IMMP2L: variants seen among roughly 807,000 people sequenced by gnomAD.
IMMP2L encodes mitochondrial inner membrane protease subunit 2.
IMMP2L carries 18 observed loss-of-function variants against 19.3 expected under a neutral mutation model. That is an observed-to-expected ratio of 0.93 (90% CI 0.64 to 1.38). The LOEUF is 1.38. IMMP2L is among the 40% of genes most tolerant of loss of function. The pLI is 0.00. For synonymous variants in IMMP2L, 76 were observed against 73.0 expected, an observed-to-expected ratio of 1.04 and a Z score of -0.21; for missense variants, 233 against 218.2, an observed-to-expected ratio of 1.07 and a Z score of -0.43.
rs111874558 is a variant in IMMP2L, at chr7:110,781,068, A to T, written c.408+105525T>A. Among the ~76,000 whole-genome samples, 119 of 152,102 alleles carry T rather than the reference A, an allele frequency of 7.8e-4. 1 individual carries two copies. Among genetic ancestry groups the T allele is most frequent in the African/African-American group, 2.6e-3 (107 of 41,554 alleles). The stretch of plus-strand genomic sequence containing the variant: ...TTTGTTAACCTTGAAACATTTAAGG[A>T]TAATTATTGATCATGAGTTTATAAG... On this transcript the variant is annotated intron_variant, in intron 5 of 5. Coordinates refer to ENST00000405709, the MANE Select transcript of IMMP2L (RefSeq NM_032549.4).
intron 3 of IMMP2L, among the ~76,000 whole-genome samples, chr7:111,182,193 A>G (rs1361915167): frequency 6.6e-6 from 1 of 151,986 alleles, no homozygotes; most frequent in Non-Finnish European, 1.5e-5. Flanking sequence ...TCACTTTAAC[A>G]TCATCAGGAC....
At chr7:110,838,346 T>C (rs1370962550) in intron 5 of IMMP2L, among the ~76,000 whole-genome samples, 2 of 152,148 alleles carry the variant, frequency 1.3e-5, no homozygotes, top group Admixed American at 1.3e-4. Context: ...GTCCTTTGCG[T>C]TTCTTGTGAT....
intron 3 of IMMP2L, among the ~76,000 whole-genome samples, chr7:111,369,798 A>G (rs1433235467): frequency 6.6e-6 from 1 of 151,932 alleles, no homozygotes; most frequent in Non-Finnish European, 1.5e-5. Flanking sequence ...AGGCTTAGAT[A>G]TACTATTTGT....
At chr7:111,354,138 C>A (rs1828461109) in intron 3 of IMMP2L, among the ~76,000 whole-genome samples, 1 of 151,874 alleles carries the variant, frequency 6.6e-6, no homozygotes, top group Admixed American at 6.6e-5. Flanking sequence ...CAGGAAAAAA[C>A]TACAGAACCT....
intron 1 of IMMP2L, among the ~76,000 whole-genome samples, chr7:111,537,120 G>C (rs1847957150): frequency 6.6e-6 from 1 of 152,068 alleles, no homozygotes; most frequent in African/African-American, 2.4e-5. Flanking sequence ...AAAGAGTAAA[G>C]ACGTTTCTGT....
intron 1 of IMMP2L, among the ~76,000 whole-genome samples, chr7:111,556,168 G>T (rs1355475543): frequency 6.6e-6 from 1 of 151,240 alleles, no homozygotes; most frequent in East Asian, 1.9e-4. Flanking sequence ...GAGGGGGAAG[G>T]AAATTGAGAT....
At chr7:110,887,006 C>A (rs1471917786) in intron 4 of IMMP2L, among the ~76,000 whole-genome samples, 4 of 151,968 alleles carry the variant, frequency 2.6e-5, no homozygotes, top group Admixed American at 6.6e-5. Context: ...ATCCGGTAAG[C>A]CCTAACAAAA....
At chr7:111,471,820 T>C (rs1414658233) in intron 3 of IMMP2L, among the ~76,000 whole-genome samples, 1 of 152,072 alleles carries the variant, frequency 6.6e-6, no homozygotes, top group Non-Finnish European at 1.5e-5. Context: ...CCAGCCTATA[T>C]ATATATCATA....
chr7:111,374,710 C>T (rs944079193), intron 3 of IMMP2L, among the ~76,000 whole-genome samples: 5 of 152,078 alleles, frequency 3.3e-5, no homozygotes. Flanking sequence ...CTAATAGGGC[C>T]TGACCACATA....
chr7:111,144,107 C>T (rs1435816367), intron 3 of IMMP2L, among the ~76,000 whole-genome samples: 3 of 152,116 alleles, frequency 2.0e-5, no homozygotes, highest in South Asian at 2.1e-4. Flanking sequence ...AAACCTACTA[C>T]ATTTACTAGA....
At chr7:111,094,996 T>C (rs1797256484) in intron 3 of IMMP2L, among the ~76,000 whole-genome samples, 1 of 152,080 alleles carries the variant, frequency 6.6e-6, no homozygotes, top group Non-Finnish European at 1.5e-5. Context: ...GTACAGTACC[T>C]ACAGGGCCAT....
chr7:111,465,252 T>C (rs1274423131), intron 3 of IMMP2L, among the ~76,000 whole-genome samples: 1 of 152,028 alleles, frequency 6.6e-6, no homozygotes, highest in Non-Finnish European at 1.5e-5. Flanking sequence ...TTTTTGATAA[T>C]TCTGCTCTCA....
intron 3 of IMMP2L, among the ~76,000 whole-genome samples, chr7:111,286,197 G>C (rs1365957470): frequency 2.6e-5 from 4 of 152,166 alleles, no homozygotes; most frequent in Admixed American, 2.6e-4. Context: ...AGTACAGTTA[G>C]AGATGCACTT....
chr7:110,999,594 T>C (rs1024014676), intron 3 of IMMP2L, among the ~76,000 whole-genome samples: 1 of 149,438 alleles, frequency 6.7e-6, no homozygotes, highest in Non-Finnish European at 1.5e-5. Flanking sequence ...CACTTCTAAA[T>C]ATTTTCGATG....
At chr7:110,678,197 G>T (rs1205122612) in intron 5 of IMMP2L, among the ~76,000 whole-genome samples, 1 of 152,052 alleles carries the variant, frequency 6.6e-6, no homozygotes, top group Non-Finnish European at 1.5e-5. Context: ...GACCTGAGCT[G>T]CTATAAAATT....
At chr7:111,223,694 T>C (rs747150725) in intron 3 of IMMP2L, among the ~76,000 whole-genome samples, 2 of 152,140 alleles carry the variant, frequency 1.3e-5, no homozygotes, top group Non-Finnish European at 2.9e-5. Context: ...TTATATTGGC[T>C]ATAGGGTATA....
chr7:110,853,776 A>G (rs1173405051), intron 5 of IMMP2L, among the ~76,000 whole-genome samples: 1 of 152,042 alleles, frequency 6.6e-6, no homozygotes, highest in Non-Finnish European at 1.5e-5. Context: ...TGGTAAACAT[A>G]ATTTTTATGT....
At chr7:110,682,842 A>C (rs1792824332) in intron 5 of IMMP2L, among the ~76,000 whole-genome samples, 1 of 152,126 alleles carries the variant, frequency 6.6e-6, no homozygotes, top group African/African-American at 2.4e-5. Flanking sequence ...AAGAGAAGAA[A>C]GCAAGAGCAC....
rs7810421 is a variant in IMMP2L at position 111,171,639 on chromosome 7, G to A, written c.240-208074C>T. The stretch of plus-strand genomic sequence containing the variant: ...CATAATGTATACAGTAAAAGAATCC[G>A]GAGGGAAAAAAGATTAATATCCTGA... On this transcript the variant is annotated intron_variant, in intron 3 of 5. Transcript: ENST00000405709. 9.5e-3 allele frequency among the ~76,000 whole-genome samples: 1,437 copies of A among 151,502 alleles called. 23 individuals carry two copies. Among genetic ancestry groups the A allele is most frequent in the African/African-American group, 0.032 (1,324 of 41,390 alleles).
Sources: gnomAD v4.1 joint callset for allele counts (sites outside exome capture counted in the v4.1 genomes callset) on GRCh38, gnomAD v4.1.1 for gene constraint, MANE v1.5 for transcripts, NCBI Gene and HGNC (gene_info 2026-07-23, HGNC 2026-07-21) for gene names.